LTBP1: variants seen among roughly 807,000 people sequenced by gnomAD.
LTBP1 encodes latent-transforming growth factor beta-binding protein 1.
A neutral mutation model predicts 207.6 loss-of-function variants in LTBP1; 129 were observed. The observed-to-expected ratio is 0.62, with a 90% CI of 0.54 to 0.72. LTBP1 has a LOEUF of 0.72. Ranked by LOEUF, LTBP1 falls within the 30% of genes least tolerant of loss-of-function variation. The probability of loss-of-function intolerance (pLI) is 0.00; values close to 1 mark genes in which losing one functional copy is unlikely to be tolerated. For synonymous variants in LTBP1, 963 were observed against 833.7 expected (o/e 1.16, Z -2.67); for missense variants, 2,281 against 2,217.2 (o/e 1.03, Z -0.58).
At chr2:32,985,606 A>G (rs1039248263) in intron 2 of LTBP1, among the ~76,000 whole-genome samples, 4 of 152,216 alleles carry the variant, frequency 2.6e-5, no homozygotes, top group Non-Finnish European at 5.9e-5. Context: ...AATCAAATGC[A>G]GTCATCTGTG....
At position 32,998,537 on chromosome 2, in the gene LTBP1, AAAAAAAAAAG is replaced by A. The variant is rs1464996715; in HGVS notation, c.566-22371_566-22362del. Among the ~76,000 whole-genome samples the A allele has an allele frequency of 1.2e-4, 18 of 148,744 alleles. No individual in the cohort carries two copies. In the South Asian group the frequency reaches 3.3e-3, roughly 28 times the overall value. On this transcript the variant is annotated intron_variant, in intron 2 of 33. Coordinates refer to ENST00000404816, the MANE Select transcript of LTBP1 (RefSeq NM_206943.4). Reference sequence around the variant, plus strand: ...TAAAAAAAAAAAAAAAAAAAAAAAAAAAAAAAAAAGGTTGTTATGAACTGAATGTTTGTGT... The same window carrying A: ...TAAAAAAAAAAAAAAAAAAAAAAAAAGTTGTTATGAACTGAATGTTTGTGT...
chr2:33,108,145 G>T (rs982130599), intron 3 of LTBP1, among the ~76,000 whole-genome samples: 1 of 152,076 alleles, frequency 6.6e-6, no homozygotes, highest in African/African-American at 2.4e-5. Flanking sequence ...TTCATATAAT[G>T]CTTGTAGGAT....
intron 4 of LTBP1, among the ~76,000 whole-genome samples, chr2:33,116,849 AC>A (rs1220488217): frequency 3.3e-5 from 5 of 152,148 alleles, no homozygotes; most frequent in African/African-American, 1.2e-4. Context: ...GTTAAACCTA[AC>A]CTTTTTTGTT....
At chr2:33,279,923 T>G in intron 18 of LTBP1, 116 bp from the exon 19 acceptor site, 2 of 1,093,926 alleles carry the variant, frequency 1.8e-6, no homozygotes, top group Non-Finnish European at 2.7e-6. Context: ...CCAATTATTG[T>G]TTTTCCCACT....
intron 5 of LTBP1, among the ~76,000 whole-genome samples, chr2:33,174,526 A>G (rs912128436): frequency 6.6e-6 from 1 of 151,868 alleles, no homozygotes; most frequent in Admixed American, 6.6e-5. Flanking sequence ...CAAATGGAAG[A>G]ACATTCCATG....
chr2:33,342,968 GT>G lies in LTBP1; in HGVS notation c.3856+10del. ...AGGATGGGCAAGGGTGTGTGGGTGA[GT>G]TTTTAGATTTTTTCCCAACGTGTTT... On this transcript the variant is annotated splice_donor_region_variant and intron_variant, in intron 25 of 33. Transcript: ENST00000404816. 6.2e-7 allele frequency: 1 copy of G among 1,606,812 alleles called. No individual in the cohort carries two copies. The highest frequency in any genetic ancestry group is 8.5e-7 in the Non-Finnish European group (1 of 1,176,512).
intron 2 of LTBP1, among the ~76,000 whole-genome samples, chr2:33,006,203 G>T (rs576410907): frequency 6.6e-6 from 1 of 152,056 alleles, no homozygotes; most frequent in Non-Finnish European, 1.5e-5. Flanking sequence ...GATTACAGGC[G>T]TGAGCCACTG....
intron 4 of LTBP1, among the ~76,000 whole-genome samples, chr2:33,114,384 G>A (rs769744091): frequency 3.6e-4 from 54 of 152,112 alleles, no homozygotes; most frequent in Non-Finnish European, 7.9e-4. Context: ...TTGTAGATCA[G>A]GTGGCTGGAT....
At chr2:33,139,676 A>C (rs1318506806) in intron 5 of LTBP1, among the ~76,000 whole-genome samples, 1 of 152,210 alleles carries the variant, frequency 6.6e-6, no homozygotes, top group African/African-American at 2.4e-5. Flanking sequence ...GTGGAACTTG[A>C]AACATTGGTA....
intron 22 of LTBP1, among the ~76,000 whole-genome samples, chr2:33,305,300 G>A (rs2094069402): frequency 6.6e-6 from 1 of 152,032 alleles, no homozygotes; most frequent in Admixed American, 6.5e-5. Flanking sequence ...CTCCAGCCTG[G>A]GCAACAGAGC....
intron 24 of LTBP1, among the ~76,000 whole-genome samples, chr2:33,330,536 C>T (rs547172117): frequency 6.6e-6 from 1 of 150,666 alleles, no homozygotes; most frequent in African/African-American, 2.4e-5. Context: ...CCTTATATAT[C>T]TAGTTTGCTA....
At chr2:33,043,878 C>A (rs1376429123) in intron 3 of LTBP1, among the ~76,000 whole-genome samples, 1 of 152,022 alleles carries the variant, frequency 6.6e-6, no homozygotes, top group Non-Finnish European at 1.5e-5. Context: ...ATCACATAGT[C>A]ATGAAGAGGG....
At chr2:33,398,030 C>CCT (rs2095375474) in intron 33 of LTBP1, among the ~76,000 whole-genome samples, 1 of 152,124 alleles carries the variant, frequency 6.6e-6, no homozygotes, top group African/African-American at 2.4e-5. Context: ...GTATCTGGTT[C>CCT]CTCTTGACAA....
At position 33,397,143 on chromosome 2, in the gene LTBP1, T is replaced by G. The variant is rs1385110464; in HGVS notation, c.4845T>G (p.Asn1615Lys). Reference protein sequence around the residue: ...DPYFIQDRFLNSFEELQAEEC... With the variant: ...DPYFIQDRFLKSFEELQAEEC... The stretch of plus-strand genomic sequence containing the variant: ...CCCTTTCCTTTCCAGGTTTTCTAAA[T>G]AGCTTTGAGGAGTTACAGGCTGAGG... The change falls in exon 33 of 34, where the codon AAT becomes AAG. Residue 1615 changes from asparagine to lysine, a missense_variant. Physicochemically the swap from Asn to Lys is moderately conservative, Grantham distance 94. Transcript: ENST00000404816. 73 of 1,613,490 alleles carry G rather than the reference T, an allele frequency of 4.5e-5. No homozygotes were observed. Among genetic ancestry groups the G allele is most frequent in the Non-Finnish European group, 6.1e-5 (72 of 1,179,684 alleles).
intron 5 of LTBP1, among the ~76,000 whole-genome samples, chr2:33,141,018 G>A (rs144855631): frequency 0.021 from 3,220 of 152,280 alleles, 49 homozygotes; most frequent in Non-Finnish European, 0.034. Flanking sequence ...CTAGTATTAG[G>A]AACAGTTATT....
chr2:33,246,824 A>G (rs979798406), intron 10 of LTBP1, among the ~76,000 whole-genome samples: 3 of 152,206 alleles, frequency 2.0e-5, no homozygotes, highest in Admixed American at 6.5e-5. Flanking sequence ...TAGCCAAGCT[A>G]AAAGGAAGAA....
intron 9 of LTBP1, among the ~76,000 whole-genome samples, chr2:33,232,597 C>T (rs1336681584): frequency 1.3e-5 from 2 of 151,998 alleles, no homozygotes; most frequent in African/African-American, 4.8e-5. Flanking sequence ...TTTGTTTCTT[C>T]TTTTGGGGAG....
At chr2:33,074,379 A>G (rs2077964355) in intron 3 of LTBP1, among the ~76,000 whole-genome samples, 1 of 151,946 alleles carries the variant, frequency 6.6e-6, no homozygotes, top group Admixed American at 6.6e-5. Context: ...TGACTCAGTT[A>G]CTTTCTCTAG....
At chr2:33,191,458 T>C (rs1211613454) in intron 7 of LTBP1, among the ~76,000 whole-genome samples, 1 of 152,250 alleles carries the variant, frequency 6.6e-6, no homozygotes, top group Non-Finnish European at 1.5e-5. Context: ...ACCTGTTTTT[T>C]GGAAAGCATT....
Sources: allele counts gnomAD v4.1 joint callset (sites outside exome capture counted in the v4.1 genomes callset), GRCh38; gene constraint gnomAD v4.1.1; transcripts MANE v1.5; gene names NCBI Gene and HGNC (gene_info 2026-07-23, HGNC 2026-07-21).